NRG2: variants seen among roughly 807,000 people sequenced by gnomAD.
NRG2 encodes neuregulin 2, also known as pro-neuregulin-2, membrane-bound isoform.
Under a neutral mutation model 73.9 loss-of-function variants are expected in NRG2, and 27 were observed. That is an observed-to-expected ratio of 0.37 (90% CI 0.27 to 0.50). The LOEUF is 0.50. NRG2 is among the 20% of genes least tolerant of loss of function. The probability of loss-of-function intolerance (pLI) is 0.96; values close to 1 mark genes in which losing one functional copy is unlikely to be tolerated. For synonymous variants in NRG2, 532 were observed against 541.0 expected, an observed-to-expected ratio of 0.98 and a Z score of 0.23; for missense variants, 1,126 against 1,210.1, an observed-to-expected ratio of 0.93 and a Z score of 1.03.
chr5:140,026,921 A>G (rs1323654954), intron 1 of NRG2, among the ~76,000 whole-genome samples: 1 of 152,190 alleles, frequency 6.6e-6, no homozygotes, highest in East Asian at 1.9e-4. Flanking sequence ...AAGACCCCGG[A>G]AAGATCAAAG....
chr5:139,961,282 C>T (rs1237015131), intron 1 of NRG2, among the ~76,000 whole-genome samples: 6 of 152,126 alleles, frequency 3.9e-5, no homozygotes, highest in Non-Finnish European at 7.4e-5. Flanking sequence ...ATCTAGGTTT[C>T]GGCAGGGCCT....
intron 1 of NRG2, among the ~76,000 whole-genome samples, chr5:140,012,996 C>T (rs901752768): frequency 6.6e-6 from 1 of 152,158 alleles, no homozygotes; most frequent in Non-Finnish European, 1.5e-5. Flanking sequence ...CTGTACCTCC[C>T]TAGTTTATTC....
chr5:139,910,574 C>T (rs1765508028), intron 1 of NRG2, among the ~76,000 whole-genome samples: 1 of 152,256 alleles, frequency 6.6e-6, no homozygotes, highest in East Asian at 1.9e-4. Context: ...GGAAATTCAT[C>T]TCTCATCTCC....
chr5:139,909,068 C>T (rs760820511), intron 1 of NRG2, among the ~76,000 whole-genome samples: 3 of 152,174 alleles, frequency 2.0e-5, no homozygotes, highest in Admixed American at 6.5e-5. Flanking sequence ...TGGGGATGGG[C>T]CCAGAGACCA....
At chr5:139,882,692 C>T (rs948077280) in intron 2 of NRG2, among the ~76,000 whole-genome samples, 3 of 152,020 alleles carry the variant, frequency 2.0e-5, no homozygotes, top group African/African-American at 7.3e-5. Flanking sequence ...GAAGGGGGAT[C>T]GCCTGAGGGT....
chr5:139,852,369 G>A lies in NRG2; in HGVS notation c.1544+63C>T, dbSNP rs1761497741. ...ATAGCTCTGGATGTCGGAGTAAGTGGGCACTTTGCGCCAGATGAAGTATGT... is the reference window on the plus strand; with the variant it reads ...ATAGCTCTGGATGTCGGAGTAAGTGAGCACTTTGCGCCAGATGAAGTATGT... On this transcript the variant is annotated intron_variant, in intron 8 of 9. Transcript: ENST00000361474. The surrounding 1 kb of genome is among the most constrained non-coding windows in gnomAD (Gnocchi z 4.4). 6.3e-7 allele frequency: 1 copy of A among 1,577,118 alleles called. No homozygotes were observed. Among genetic ancestry groups the A allele is most frequent in the Admixed American group, 1.8e-5 (1 of 56,450 alleles).
At chr5:139,903,968 G>T (rs1765050483) in intron 1 of NRG2, among the ~76,000 whole-genome samples, 1 of 152,216 alleles carries the variant, frequency 6.6e-6, no homozygotes, top group Non-Finnish European at 1.5e-5. Flanking sequence ...CTGATCAGCC[G>T]CCGCCTTTCT....
At chr5:139,871,906 T>C in intron 3 of NRG2, 65 bp from the exon 4 acceptor site, 1 of 1,573,482 alleles carries the variant, frequency 6.4e-7, no homozygotes, top group Non-Finnish European at 8.7e-7. Flanking sequence ...AGGAATCATC[T>C]CCTTCATGCC....
At chr5:139,933,848 A>T (rs2126385920) in intron 1 of NRG2, among the ~76,000 whole-genome samples, 2 of 152,354 alleles carry the variant, frequency 1.3e-5, no homozygotes, top group East Asian at 3.9e-4. Flanking sequence ...GTAAAAGCAA[A>T]TCTCAGTAGA....
chr5:139,887,433 G>A lies in NRG2; in HGVS notation c.779C>T (p.Ala260Val), dbSNP rs754882622. Residue 260 changes from alanine (A) to valine (V), a missense_variant, in exon 2 of 10, where the codon GCA becomes GTA. Coordinates refer to ENST00000361474, the MANE Select transcript of NRG2 (RefSeq NM_004883.3). The surrounding 1 kb of genome is among the most constrained non-coding windows in gnomAD (Gnocchi z 4.5). The stretch of plus-strand genomic sequence containing the variant: ...GTAGGAAGGCTGGGGATTACCGGCT[G>A]CTGCCTCACACTTCAGCGATTGCTT... ...GEKQSLKCEA[A>V]AGNPQPSYRW... 1.2e-6 allele frequency: 2 copies of A among 1,614,260 alleles called. No individual in the cohort carries two copies. The highest frequency in any genetic ancestry group is 1.7e-6 in the Non-Finnish European group (2 of 1,180,042).
chr5:139,880,124 A>C (rs1467109490), intron 3 of NRG2, among the ~76,000 whole-genome samples: 1 of 152,014 alleles, frequency 6.6e-6, no homozygotes, highest in Non-Finnish European at 1.5e-5. Flanking sequence ...GGGGGAGGAG[A>C]GTGATCTGTG....
intron 1 of NRG2, among the ~76,000 whole-genome samples, chr5:139,940,598 A>G (rs13157893): frequency 0.15 from 23,310 of 152,234 alleles, 1,995 homozygotes; most frequent in South Asian, 0.25. Context: ...AATAGACTCC[A>G]AAGTTCATAG....
intron 1 of NRG2, among the ~76,000 whole-genome samples, chr5:139,950,572 A>G (rs1396938904): frequency 6.6e-6 from 1 of 152,202 alleles, no homozygotes; most frequent in East Asian, 1.9e-4. Context: ...GTGGCTTTGG[A>G]CATCCCCAAG....
chr5:140,014,332 G>A (rs1030534817), intron 1 of NRG2, among the ~76,000 whole-genome samples: 3 of 152,024 alleles, frequency 2.0e-5, no homozygotes, highest in African/African-American at 7.3e-5. Context: ...TGCCTCCTGG[G>A]TTCAAGCATT....
chr5:139,919,789 T>C (rs1006546870), intron 1 of NRG2, among the ~76,000 whole-genome samples: 1 of 152,192 alleles, frequency 6.6e-6, no homozygotes, highest in Admixed American at 6.5e-5. Flanking sequence ...ACCACTTCAA[T>C]GACAAATATG....
intron 4 of NRG2, 45 bp downstream of exon 4, chr5:139,871,676 C>T (rs1332330501): frequency 6.2e-7 from 1 of 1,610,626 alleles, no homozygotes; most frequent in Admixed American, 1.7e-5. Context: ...CCCAGCATCT[C>T]CTACCCTGTT....
chr5:139,920,569 A>G (rs1252805409), intron 1 of NRG2, among the ~76,000 whole-genome samples: 4 of 152,092 alleles, frequency 2.6e-5, no homozygotes, highest in Non-Finnish European at 5.9e-5. Flanking sequence ...TAGTTTCTTG[A>G]GAGTAGGGAT....
chr5:139,931,539 A>G (rs1368239061), intron 1 of NRG2, among the ~76,000 whole-genome samples: 2 of 152,230 alleles, frequency 1.3e-5, no homozygotes, highest in Admixed American at 6.5e-5. Context: ...CCAAAGGCCA[A>G]GTACAACCAA....
At chr5:140,032,710 T>C (rs1761244692) in intron 1 of NRG2, among the ~76,000 whole-genome samples, 1 of 152,168 alleles carries the variant, frequency 6.6e-6, no homozygotes, top group African/African-American at 2.4e-5. Flanking sequence ...TAATTAGCAA[T>C]GTGTGGCATT....
Sources: gnomAD v4.1 joint callset for allele counts (sites outside exome capture counted in the v4.1 genomes callset) on GRCh38, gnomAD v4.1.1 for gene constraint, Gnocchi (gnomAD v3.1) non-coding constraint, MANE v1.5 for transcripts, NCBI Gene and HGNC (gene_info 2026-07-23, HGNC 2026-07-21) for gene names.